ROBO2: variants seen among roughly 807,000 people sequenced by gnomAD.
The protein encoded by ROBO2 is roundabout guidance receptor 2, also known as roundabout homolog 2.
ROBO2 carries 53 observed loss-of-function variants against 160.8 expected under a neutral mutation model. The observed-to-expected ratio is 0.33, with a 90% CI of 0.26 to 0.41. The LOEUF (loss-of-function observed/expected upper bound fraction) is 0.41, where lower values mean the gene tolerates loss of function less well. ROBO2 is among the 10% of genes least tolerant of loss of function. ROBO2 has a pLI of 1.00. For synonymous variants in ROBO2, 664 were observed against 611.7 expected, an observed-to-expected ratio of 1.09 and a Z score of -1.26; for missense variants, 1,577 against 1,722.4, an observed-to-expected ratio of 0.92 and a Z score of 1.49.
chr3:75,927,722 T>A (rs771478381), intron 1 of ROBO2, among the ~76,000 whole-genome samples: 1 of 152,214 alleles, frequency 6.6e-6, no homozygotes, highest in Non-Finnish European at 1.5e-5. Flanking sequence ...CATGGCCACA[T>A]ACAATACAGA....
chr3:76,057,134 T>C (rs73842923), intron 2 of ROBO2, among the ~76,000 whole-genome samples: 3,120 of 152,314 alleles, frequency 0.02, 43 homozygotes, highest in East Asian at 0.08. Context: ...TTTAACTTAC[T>C]GTTATCTCTC....
chr3:76,892,902 C>T (rs987725123), intron 2 of ROBO2, among the ~76,000 whole-genome samples: 2 of 152,110 alleles, frequency 1.3e-5, no homozygotes, highest in East Asian at 3.9e-4. Flanking sequence ...CTTGTTAATT[C>T]ATTGAGGAAA....
intron 1 of ROBO2, among the ~76,000 whole-genome samples, chr3:75,920,020 T>C (rs1363147799): frequency 6.6e-6 from 1 of 152,200 alleles, no homozygotes; most frequent in Non-Finnish European, 1.5e-5. Flanking sequence ...GAAGGTTTTT[T>C]CGTGTTTCTC....
chr3:76,445,297 T>C (rs2077122574), intron 2 of ROBO2, among the ~76,000 whole-genome samples: 1 of 152,144 alleles, frequency 6.6e-6, no homozygotes, highest in Admixed American at 6.6e-5. Context: ...ATGGAAAGTG[T>C]GTATTTTCTA....
intron 2 of ROBO2, among the ~76,000 whole-genome samples, chr3:76,376,291 C>G (rs2076341582): frequency 1.3e-5 from 2 of 152,080 alleles, no homozygotes; most frequent in Non-Finnish European, 2.9e-5. Flanking sequence ...AGCAAAAACA[C>G]TGAGGCTTAG....
chr3:76,043,093 G>A (rs1056807500), intron 2 of ROBO2, among the ~76,000 whole-genome samples: 1 of 151,894 alleles, frequency 6.6e-6, no homozygotes, highest in South Asian at 2.1e-4. Context: ...TATCTTCAAC[G>A]GGGTTCTTGG....
intron 2 of ROBO2, among the ~76,000 whole-genome samples, chr3:76,808,059 A>T (rs2064872229): frequency 6.6e-6 from 1 of 152,112 alleles, no homozygotes; most frequent in African/African-American, 2.4e-5. Flanking sequence ...TTGAAAGTAT[A>T]ATCTGAATTA....
chr3:76,311,724 G>A (rs759552549), intron 2 of ROBO2, among the ~76,000 whole-genome samples: 73 of 152,096 alleles, frequency 4.8e-4, no homozygotes, highest in Non-Finnish European at 8.8e-4. Flanking sequence ...TTCGGAAGCC[G>A]CATTATTTTT....
intron 2 of ROBO2, among the ~76,000 whole-genome samples, chr3:76,745,835 ATTTT>A (rs1353080475): frequency 1.4e-4 from 17 of 118,460 alleles, no homozygotes; most frequent in Non-Finnish European, 2.9e-4. Flanking sequence ...TTATTTATTT[ATTTT>A]ATTATTATTA....
intron 2 of ROBO2, among the ~76,000 whole-genome samples, chr3:76,120,072 C>G (rs185038994): frequency 2.0e-4 from 31 of 152,002 alleles, no homozygotes; most frequent in Non-Finnish European, 4.4e-4. Flanking sequence ...TCTCGGCTTA[C>G]TGCAACCTCT....
At chr3:76,056,592 A>G (rs1203842691) in intron 2 of ROBO2, among the ~76,000 whole-genome samples, 1 of 152,190 alleles carries the variant, frequency 6.6e-6, no homozygotes, top group Non-Finnish European at 1.5e-5. Context: ...AAAGAAAAGA[A>G]AAAGGTTCTT....
At chr3:76,906,518 A>G (rs2075614923) in intron 2 of ROBO2, among the ~76,000 whole-genome samples, 1 of 151,822 alleles carries the variant, frequency 6.6e-6, no homozygotes, top group Non-Finnish European at 1.5e-5. Context: ...ATTATTAAGT[A>G]AAGGGTACCT....
chr3:76,083,071 A>G (rs771099475), intron 2 of ROBO2, among the ~76,000 whole-genome samples: 9 of 152,094 alleles, frequency 5.9e-5, no homozygotes, highest in African/African-American at 9.7e-5. Context: ...AATTATGATG[A>G]CATTCACTGA....
chr3:76,732,419 A>G (rs1483758682), intron 2 of ROBO2, among the ~76,000 whole-genome samples: 4 of 152,140 alleles, frequency 2.6e-5, no homozygotes, highest in African/African-American at 9.7e-5. Flanking sequence ...AAGAATGGAG[A>G]TGAATTTTAG....
intron 2 of ROBO2, among the ~76,000 whole-genome samples, chr3:76,696,289 A>T (rs2092925295): frequency 6.6e-6 from 1 of 152,146 alleles, no homozygotes; most frequent in Admixed American, 6.6e-5. Flanking sequence ...AATAGCAATC[A>T]ACAAAGACGT....
At chr3:76,095,916 T>C (rs953603611) in intron 2 of ROBO2, among the ~76,000 whole-genome samples, 5 of 152,158 alleles carry the variant, frequency 3.3e-5, no homozygotes, top group Non-Finnish European at 7.3e-5. Context: ...AAGATATTGA[T>C]GACATTAATA....
intron 2 of ROBO2, among the ~76,000 whole-genome samples, chr3:76,218,007 C>A (rs1003434019): frequency 6.6e-6 from 1 of 152,130 alleles, no homozygotes; most frequent in Non-Finnish European, 1.5e-5. Context: ...GCTGGTTCAA[C>A]ATACGCAAAT....
chr3:76,364,578 TA>T (rs928846645), intron 2 of ROBO2, among the ~76,000 whole-genome samples: 33 of 151,730 alleles, frequency 2.2e-4, no homozygotes, highest in African/African-American at 6.3e-4. Flanking sequence ...TTCATGAGAT[TA>T]AAAAAAATAT....
intron 2 of ROBO2, among the ~76,000 whole-genome samples, chr3:76,366,720 G>A (rs996734618): frequency 6.6e-6 from 1 of 151,886 alleles, no homozygotes; most frequent in Admixed American, 6.6e-5. Flanking sequence ...GATATTTATA[G>A]TAAACCATAC....
Sources: gnomAD v4.1 joint callset for allele counts (sites outside exome capture counted in the v4.1 genomes callset) on GRCh38, gnomAD v4.1.1 for gene constraint, MANE v1.5 for transcripts, NCBI Gene and HGNC (gene_info 2026-07-23, HGNC 2026-07-21) for gene names.